Variants in TLN2 observed in about 807,000 individuals in gnomAD.
TLN2 encodes the protein talin 2, also known as talin-2.
Under a neutral mutation model 294.7 loss-of-function variants are expected in TLN2, and 118 were observed. That is an observed-to-expected ratio of 0.40 (90% CI 0.34 to 0.47). The LOEUF is 0.47. TLN2 is among the 20% of genes least tolerant of loss of function. The pLI, the probability that TLN2 is intolerant of heterozygous loss-of-function variation, is 0.84. For missense variants in TLN2, 3,083 were observed against 3,282.2 expected (o/e 0.94, Z 1.48); for synonymous variants, 1,431 against 1,304.5 (o/e 1.10, Z -2.09).
intron 1 of TLN2, among the ~76,000 whole-genome samples, chr15:62,524,017 A>T (rs1052268154): frequency 2.0e-5 from 3 of 152,238 alleles, no homozygotes; most frequent in African/African-American, 7.2e-5. Context: ...TGCTGCTCCT[A>T]TGTCCTTTTG....
At chr15:62,429,334 C>T (rs1036165118) in intron 1 of TLN2, among the ~76,000 whole-genome samples, 2 of 152,112 alleles carry the variant, frequency 1.3e-5, no homozygotes, top group Non-Finnish European at 2.9e-5. Context: ...TTGGTGAAAG[C>T]CCCTGAACCT....
At chr15:62,621,675 A>G (rs1361911670) in intron 3 of TLN2, among the ~76,000 whole-genome samples, 2 of 152,318 alleles carry the variant, frequency 1.3e-5, no homozygotes, top group Non-Finnish European at 2.9e-5. Flanking sequence ...TTGCACTTCA[A>G]TGTGATGTTA....
chr15:62,692,974 G>C (rs767425612), intron 13 of TLN2, 33 bp downstream of exon 13: 3 of 1,567,688 alleles, frequency 1.9e-6, no homozygotes, highest in South Asian at 2.3e-5. Flanking sequence ...GGAAAAGCAA[G>C]ACGGCTTTAT....
chr15:62,763,347 T>G, intron 39 of TLN2: 1 of 484,022 alleles, frequency 2.1e-6, no homozygotes, highest in Non-Finnish European at 3.5e-6. Flanking sequence ...CCATATTCTT[T>G]CCACCAGAAA....
At chr15:62,695,062 C>G (rs2058228858) in intron 14 of TLN2, among the ~76,000 whole-genome samples, 1 of 152,196 alleles carries the variant, frequency 6.6e-6, no homozygotes, top group African/African-American at 2.4e-5. Context: ...TTATAACTAT[C>G]ATCCTCATGA....
At chr15:62,509,520 C>G (rs2039817921) in intron 1 of TLN2, among the ~76,000 whole-genome samples, 1 of 152,174 alleles carries the variant, frequency 6.6e-6, no homozygotes, top group African/African-American at 2.4e-5. Flanking sequence ...AATAGCAGCC[C>G]AGCCTTGAGA....
chr15:62,780,018 C>G (rs1567589559), intron 43 of TLN2, among the ~76,000 whole-genome samples: 1 of 152,208 alleles, frequency 6.6e-6, no homozygotes. Context: ...AACTTTATGG[C>G]ACAGAGCTGC....
intron 25 of TLN2, among the ~76,000 whole-genome samples, chr15:62,721,737 A>G (rs2140918209): frequency 6.6e-6 from 1 of 152,346 alleles, no homozygotes; most frequent in South Asian, 2.1e-4. Flanking sequence ...TTAAATTGGA[A>G]AAAATGGAAA....
At chr15:62,581,369 A>G (rs976900106) in intron 1 of TLN2, among the ~76,000 whole-genome samples, 5 of 152,274 alleles carry the variant, frequency 3.3e-5, no homozygotes, top group Admixed American at 1.3e-4. Context: ...TATTGTGTAC[A>G]TGTACCTTCT....
At chr15:62,816,161 C>T (rs2067098584) in intron 52 of TLN2, among the ~76,000 whole-genome samples, 1 of 152,252 alleles carries the variant, frequency 6.6e-6, no homozygotes, top group African/African-American at 2.4e-5. Flanking sequence ...TAACTCTCAA[C>T]AAACATAGGA....
intron 2 of TLN2, among the ~76,000 whole-genome samples, chr15:62,614,164 C>A: frequency 6.6e-6 from 1 of 152,166 alleles, no homozygotes; most frequent in East Asian, 1.9e-4. Flanking sequence ...ATCAGGCTTA[C>A]TGTACAAAAA....
chr15:62,560,754 A>AGG (rs2042893077), intron 1 of TLN2, among the ~76,000 whole-genome samples: 8 of 151,972 alleles, frequency 5.3e-5, no homozygotes, highest in Admixed American at 4.6e-4. Context: ...CCTTCTTTGC[A>AGG]GGGTGGACTC....
At chr15:62,582,195 T>TACACACACACACACACAC (rs67748452) in intron 1 of TLN2, among the ~76,000 whole-genome samples, 1,206 of 66,462 alleles carry the variant, frequency 0.018, 92 homozygotes, top group East Asian at 0.028. Context: ...TGTGTATGCA[T>TACACACACACACACACAC]ACACACACAC....
intron 21 of TLN2, among the ~76,000 whole-genome samples, chr15:62,710,142 G>A (rs1360688067): frequency 6.6e-6 from 1 of 152,106 alleles, no homozygotes; most frequent in African/African-American, 2.4e-5. Context: ...TGGACATTTA[G>A]TTTTTTTGTT....
At chr15:62,397,112 T>A (rs2032615424) in intron 1 of TLN2, among the ~76,000 whole-genome samples, 1 of 152,196 alleles carries the variant, frequency 6.6e-6, no homozygotes, top group Non-Finnish European at 1.5e-5. Context: ...TTCCATACGA[T>A]CTCTGGCTTA....
chr15:62,761,098 A>G (rs973887942), intron 37 of TLN2, among the ~76,000 whole-genome samples: 3 of 152,158 alleles, frequency 2.0e-5, no homozygotes, highest in Non-Finnish European at 4.4e-5. Context: ...ATTTATTTGT[A>G]TGGCTGGGGG....
Position 62,797,394 on chromosome 15 carries a change from G to T in TLN2, c.6226G>T (p.Glu2076Ter). 6.2e-7 allele frequency: 1 copy of T among 1,603,278 alleles called. No homozygotes were observed. The change falls in exon 48 of 59, where the codon GAG becomes TAG. Residue 2076 changes from glutamate to a stop codon, truncating the protein, a stop_gained. Transcript: ENST00000636159. LOFTEE classifies it high-confidence loss of function. ...AGCCAGCCTGGGCTCCGACGACCCC[G>T]AGACCCAGGTACCAGCAGGGCCTGG... ...GAASLGSDDP[E>*]TQVVLINAIK...
At chr15:62,730,851 A>G (rs1441058418) in intron 28 of TLN2, among the ~76,000 whole-genome samples, 1 of 151,930 alleles carries the variant, frequency 6.6e-6, no homozygotes, top group Non-Finnish European at 1.5e-5. Context: ...TGAAAATGGG[A>G]TTTGTTGTCC....
chr15:62,415,044 G>T (rs2033998631), intron 1 of TLN2, among the ~76,000 whole-genome samples: 1 of 140,992 alleles, frequency 7.1e-6, no homozygotes, highest in African/African-American at 2.5e-5. Context: ...GAGTAGCTGG[G>T]ATTACAGGCG....
Sources: gnomAD v4.1 joint callset for allele counts (sites outside exome capture counted in the v4.1 genomes callset) on GRCh38, gnomAD v4.1.1 for gene constraint, MANE v1.5 for transcripts, NCBI Gene and HGNC (gene_info 2026-07-23, HGNC 2026-07-21) for gene names.